The following SYDE2 variants were observed in gnomAD, a reference collection of about 807,000 sequenced individuals.
SYDE2 encodes rho GTPase-activating protein SYDE2.
A neutral mutation model predicts 91.5 loss-of-function variants in SYDE2; 76 were observed. The ratio of observed to expected loss-of-function variants is 0.83; its 90% CI spans 0.69 to 1.01. SYDE2 has a LOEUF of 1.01. Ranked by LOEUF, SYDE2 falls within the 50% of genes least tolerant of loss-of-function variation. The pLI is 0.00. For missense variants in SYDE2, 1,364 were observed against 1,367.7 expected (o/e 1.00, Z 0.04); for synonymous variants, 513 against 506.4 (o/e 1.01, Z -0.18).
At chr1:85,193,736 G>A (rs147045830) in intron 1 of SYDE2, among the ~76,000 whole-genome samples, 1,915 of 152,102 alleles carry the variant, frequency 0.013, 37 homozygotes, top group African/African-American at 0.043. Context: ...TGATCCTCCC[G>A]CCTCAGTCTC....
chr1:85,188,045 G>C (rs1270818170), intron 2 of SYDE2, among the ~76,000 whole-genome samples: 2 of 151,724 alleles, frequency 1.3e-5, no homozygotes, highest in African/African-American at 4.8e-5. Context: ...AAAGTTTAAG[G>C]ATAGTCACTT....
chr1:85,198,938 T>C (rs1319250458), intron 1 of SYDE2, among the ~76,000 whole-genome samples: 4 of 152,212 alleles, frequency 2.6e-5, no homozygotes, highest in Non-Finnish European at 4.4e-5. Context: ...TCTATTATCC[T>C]TTTGTTCAAG....
chr1:85,159,299 TAAA>T (rs753600714), intron 6 of SYDE2, 50 bp from the exon 7 acceptor site: 2 of 650,776 alleles, frequency 3.1e-6, no homozygotes. Flanking sequence ...CAACTGAACT[TAAA>T]AAAAAAACAG....
At position 85,158,902 on chromosome 1, in the gene SYDE2, CTT is replaced by C. The variant is rs777008066; in HGVS notation, c.3431_3432del (p.Lys1144ArgfsTer14). The C allele has an allele frequency of 1.3e-6, 1 of 780,596 alleles. No homozygotes were observed. The highest frequency in any genetic ancestry group is 2.4e-6 in the Non-Finnish European group (1 of 417,918). The allele number at this position is 780,596 out of a possible 1,614,324, so 48.4% of individuals were successfully genotyped here. A position where few individuals can be genotyped will look rare whatever the true frequency, so the allele number is the denominator to read the frequency against. On this transcript the variant is annotated frameshift_variant, in exon 7 of 7. Coordinates refer to ENST00000341460, the MANE Select transcript of SYDE2 (RefSeq NM_032184.2). LOFTEE classifies it high-confidence loss of function. ...VMIEQPIPMS[K>X]ECTFQTYLTM... ...GTCAAATATGTCTGAAATGTACACT[CTT>C]TGGACATGGGAATTGGCTGTTCAAT...
rs1656956957 is a variant in SYDE2 at position 85,158,827 on chromosome 1, G to T, written c.3508C>A (p.Leu1170Ile). 1 of 774,700 alleles carries T rather than the reference G, an allele frequency of 1.3e-6. No individual in the cohort carries two copies. Among genetic ancestry groups the T allele is most frequent in the Non-Finnish European group, 2.4e-6 (1 of 416,116 alleles). 48.0% of individuals were successfully genotyped at this position (774,700 alleles called of 1,614,324 possible). The part of the protein sequence containing the change: ...TVDRKNNLKD[L>I]QESIDTLIGN... ...ATCAAAGTATCAATACTTTCTTGTA[G>T]ATCTTTGAGATTGTTTTTTCGATCC... is the stretch of plus-strand genomic sequence containing the variant. Residue 1170 changes from leucine to isoleucine, a missense_variant, in exon 7 of 7, where the codon CTA becomes ATA. Transcript: ENST00000341460.
rs140432520 is a variant in SYDE2 at position 85,157,630 on chromosome 1, G to T, written c.*1120C>A. 2 of 152,196 alleles carry T rather than the reference G, an allele frequency of 1.3e-5. No homozygotes were observed. Among genetic ancestry groups the T allele is most frequent in the Admixed American group, 1.3e-4 (2 of 15,288 alleles). The allele number at this position is 152,196 out of a possible 1,614,324, so 9.4% of individuals were successfully genotyped here. A position where few individuals can be genotyped will look rare whatever the true frequency, so the allele number is the denominator to read the frequency against. On this transcript the variant is annotated 3_prime_UTR_variant, in exon 7 of 7. Coordinates refer to ENST00000341460, the MANE Select transcript of SYDE2 (RefSeq NM_032184.2). The stretch of plus-strand genomic sequence containing the variant: ...AAGATGACTTTTCCCAGGGGACATT[G>T]TGACTTTCTGTGAATAAAGGAAAGA...
intron 4 of SYDE2, among the ~76,000 whole-genome samples, chr1:85,170,713 A>G (rs1175813064): frequency 2.0e-5 from 3 of 152,334 alleles, no homozygotes; most frequent in South Asian, 2.1e-4. Flanking sequence ...TTCATTTAAC[A>G]TCATATCCTT....
At chr1:85,179,176 G>T (rs750903506) in intron 3 of SYDE2, among the ~76,000 whole-genome samples, 5 of 152,132 alleles carry the variant, frequency 3.3e-5, no homozygotes, top group Admixed American at 3.3e-4. Context: ...TATTTAGAAA[G>T]CTCAGTCACT....
At chr1:85,194,964 T>C (rs1658523382) in intron 1 of SYDE2, 2 of 304,848 alleles carry the variant, frequency 6.6e-6, no homozygotes, top group Non-Finnish European at 9.6e-6. Flanking sequence ...ATCGAGACCA[T>C]CCTGGCTAAC....
chr1:85,178,251 A>G lies in SYDE2; in HGVS notation c.2566T>C (p.Cys856Arg). The G allele has an allele frequency of 6.3e-7, 1 of 1,578,546 alleles. No individual in the cohort carries two copies. The highest frequency in any genetic ancestry group is 8.6e-7 in the Non-Finnish European group (1 of 1,161,026). The change falls in exon 4 of 7, where the codon TGT (cysteine) becomes CGT (arginine). Residue 856 changes from cysteine to arginine, a missense_variant. Transcript: ENST00000341460. The stretch of plus-strand genomic sequence containing the variant: ...TCTTTCTTGACTGCTGCCGAACCAC[A>G]TAATCGATACAGGCCTACTACCTAG... ...GCQVVGLYRL[C>R]GSAAVKKELR...
chr1:85,152,990 T>C (rs1486320091), downstream of SYDE2: 3 of 152,236 alleles, frequency 2.0e-5, no homozygotes, highest in Non-Finnish European at 1.5e-5. Flanking sequence ...ATCTGCTTCT[T>C]CCCCTTATTC....
chr1:85,187,011 A>G (rs1658168085), intron 2 of SYDE2, among the ~76,000 whole-genome samples: 1 of 151,918 alleles, frequency 6.6e-6, no homozygotes, highest in Non-Finnish European at 1.5e-5. Flanking sequence ...CAAAATTGAC[A>G]AATGGGATCT....
intron 1 of SYDE2, among the ~76,000 whole-genome samples, chr1:85,198,282 G>A (rs1658673615): frequency 6.6e-6 from 1 of 152,096 alleles, no homozygotes; most frequent in African/African-American, 2.4e-5. Flanking sequence ...TTAAATGACA[G>A]CATATCTCCA....
chr1:85,200,958 G>A lies in SYDE2; in HGVS notation c.39C>T (p.Gly13=), dbSNP rs887022328. ...DLPPDSGARR[G]GRGLADHSFP... Reference sequence around the variant, plus strand: ...AGCTGTGATCCGCCAAGCCCCTGCCGCCCCGCCGCGCGCCCGAGTCAGGGG... The same window carrying A: ...AGCTGTGATCCGCCAAGCCCCTGCCACCCCGCCGCGCGCCCGAGTCAGGGG... Residue 13 remains glycine, a synonymous_variant, in exon 1 of 7, where the codon GGC becomes GGT. Transcript: ENST00000341460. 1.5e-6 allele frequency: 2 copies of A among 1,295,410 alleles called. No individual in the cohort carries two copies. The highest frequency in any genetic ancestry group is 1.9e-6 in the Non-Finnish European group (2 of 1,029,760). The allele number at this position is 1,295,410 out of a possible 1,614,324, so 80.2% of individuals were successfully genotyped here.
At chr1:85,179,374 T>C (rs1465631373) in intron 3 of SYDE2, among the ~76,000 whole-genome samples, 2 of 152,142 alleles carry the variant, frequency 1.3e-5, no homozygotes, top group Admixed American at 1.3e-4. Context: ...AAAAAACTGA[T>C]AGAATACACT....
chr1:85,156,616 C>CA (rs1656888085), downstream of SYDE2, among the ~76,000 whole-genome samples: 1 of 151,776 alleles, frequency 6.6e-6, no homozygotes, highest in African/African-American at 2.4e-5. Flanking sequence ...GATGAGACAA[C>CA]AAAAAAATGA....
Position 85,200,849 on chromosome 1 carries a change from C to T in SYDE2, c.148G>A (p.Gly50Arg). Residue 50 changes from glycine to arginine, a missense_variant, in exon 1 of 7, where the codon GGA becomes AGA. By Grantham distance (125) the Gly-to-Arg change is moderately radical. Coordinates refer to ENST00000341460, the MANE Select transcript of SYDE2 (RefSeq NM_032184.2). ...TGCTGCCGAGGGCGTCCGCCGCCTC[C>T]CCGCTCCCCGTCCCGGGGGCAGGCT... Reference protein sequence around the residue: ...RRACPRDGERGGGGRPRQQVS... With the variant: ...RRACPRDGERRGGGRPRQQVS... The T allele has an allele frequency of 1.4e-6, 2 of 1,380,754 alleles. No homozygotes were observed. Among genetic ancestry groups the T allele is most frequent in the East Asian group, 3.1e-5 (1 of 32,494 alleles). The allele number at this position is 1,380,754 out of a possible 1,614,324, so 85.5% of individuals were successfully genotyped here. A position where few individuals can be genotyped will look rare whatever the true frequency, so the allele number is the denominator to read the frequency against.
intron 3 of SYDE2, among the ~76,000 whole-genome samples, chr1:85,179,523 G>A (rs1263953718): frequency 6.6e-6 from 1 of 152,112 alleles, no homozygotes; most frequent in Non-Finnish European, 1.5e-5. Context: ...ATAATGCAAG[G>A]TGCTGCTACA....
chr1:85,163,471 A>ATATATATATATG (rs1271107057), intron 6 of SYDE2, among the ~76,000 whole-genome samples: 12 of 142,170 alleles, frequency 8.4e-5, no homozygotes, highest in Non-Finnish European at 1.7e-4. Flanking sequence ...ATATATATAT[A>ATATATATATATG]TATATATATA....
Sources: gnomAD v4.1 joint callset for allele counts (sites outside exome capture counted in the v4.1 genomes callset) on GRCh38, gnomAD v4.1.1 for gene constraint, MANE v1.5 for transcripts, NCBI Gene and HGNC (gene_info 2026-07-23, HGNC 2026-07-21) for gene names.